The following RPA1 variants were observed in gnomAD, a reference collection of about 807,000 sequenced individuals.
RPA1 encodes replication protein A1.
A neutral mutation model predicts 83.0 loss-of-function variants in RPA1; 49 were observed. That is an observed-to-expected ratio of 0.59 (90% CI 0.47 to 0.75). The LOEUF (loss-of-function observed/expected upper bound fraction) is 0.75. RPA1 is among the 30% of genes least tolerant of loss of function. The pLI is 0.00. For missense variants in RPA1, 693 were observed against 776.1 expected (o/e 0.89, Z 1.27); for synonymous variants, 279 against 281.8 (o/e 0.99, Z 0.10).
At chr17:1,892,944 C>T (rs562063105) in intron 15 of RPA1, among the ~76,000 whole-genome samples, 2 of 152,326 alleles carry the variant, frequency 1.3e-5, no homozygotes, top group East Asian at 1.9e-4. Flanking sequence ...TAAATGGGCA[C>T]CTTTCTGTAG....
At chr17:1,868,368 A>G (rs928599753) in intron 5 of RPA1, among the ~76,000 whole-genome samples, 4 of 152,222 alleles carry the variant, frequency 2.6e-5, no homozygotes, top group Non-Finnish European at 5.9e-5. Flanking sequence ...GTGGAGAACT[A>G]AAGTTCATTT....
chr17:1,883,320 C>A (rs569930946), intron 12 of RPA1, among the ~76,000 whole-genome samples: 1 of 152,060 alleles, frequency 6.6e-6, no homozygotes, highest in African/African-American at 2.4e-5. Flanking sequence ...CCCACCACCA[C>A]GCCCGGCTAA....
rs1397204282 is a variant in RPA1, at chr17:1,884,092, TG to T, written c.1374+150del. 1.4e-5 allele frequency: 15 copies of T among 1,102,174 alleles called. No homozygotes were observed. The Admixed American group carries it at 3.6e-4, about 26-fold the overall frequency. The allele number at this position is 1,102,174 out of a possible 1,614,324, so 68.3% of individuals were successfully genotyped here. On this transcript the variant is annotated intron_variant, in intron 13 of 16. Coordinates refer to ENST00000254719, the MANE Select transcript of RPA1 (RefSeq NM_002945.5). This position sits in a 1 kb window ranked among gnomAD's most constrained non-coding sequence, Gnocchi z 4.1. ...GCGTGGCATGGGGGTTGAGAATCAC[TG>T]GCAGAGGGAAGCAGCCAGGTGTGCT...
rs1402536402 is a variant in RPA1, at chr17:1,899,285, T to C, written c.*2110T>C. The C allele has an allele frequency of 6.6e-6, 1 of 152,398 alleles. No homozygotes were observed. Among genetic ancestry groups the C allele is most frequent in the African/African-American group, 2.4e-5 (1 of 41,382 alleles). The allele number at this position is 152,398 out of a possible 1,614,324, so 9.4% of individuals were successfully genotyped here. ...CCCTGCGGGTTGCCTAAATAGATTC[T>C]GGCCCACAGTTTACCTCGAAAGGCT... On this transcript the variant is annotated 3_prime_UTR_variant, in exon 17 of 17. Transcript: ENST00000254719.
In RPA1 at chr17:1,830,621, G is replaced by C. The variant is rs143789246; in HGVS notation, c.33+495G>C. 250 of 153,470 alleles carry C rather than the reference G, an allele frequency of 1.6e-3. 2 individuals are homozygous for C. The highest frequency in any genetic ancestry group is 2.8e-3 in the Non-Finnish European group (190 of 68,902). The allele number at this position is 153,470 out of a possible 1,614,324, so 9.5% of individuals were successfully genotyped here. The stretch of plus-strand genomic sequence containing the variant: ...AGTTCTCAGCAGCGTTTGCGTTTAA[G>C]CCCTGCTTGCTTCAGGTCACACCCT... On this transcript the variant is annotated intron_variant, in intron 1 of 16. Coordinates refer to ENST00000254719, the MANE Select transcript of RPA1 (RefSeq NM_002945.5).
At chr17:1,835,626 G>A (rs1911787837) in intron 1 of RPA1, among the ~76,000 whole-genome samples, 1 of 152,008 alleles carries the variant, frequency 6.6e-6, no homozygotes, top group Non-Finnish European at 1.5e-5. Context: ...TCTGATAGGG[G>A]CTCTTTTCAA....
intron 5 of RPA1, among the ~76,000 whole-genome samples, chr17:1,859,433 GTCTC>G (rs1401980652): frequency 6.6e-6 from 1 of 152,128 alleles, no homozygotes; most frequent in African/African-American, 2.4e-5. Context: ...AAGTTTCTCT[GTCTC>G]TCTGCAGTTC....
chr17:1,863,473 A>G (rs1913064042), intron 5 of RPA1, among the ~76,000 whole-genome samples: 1 of 152,024 alleles, frequency 6.6e-6, no homozygotes, highest in Admixed American at 6.6e-5. Context: ...TTGGCCTCCC[A>G]AAGTGTTGGG....
chr17:1,850,534 C>T (rs1912453653), intron 4 of RPA1, among the ~76,000 whole-genome samples: 2 of 130,816 alleles, frequency 1.5e-5, no homozygotes, highest in South Asian at 5.0e-4. Context: ...AAGACTCCGT[C>T]TCAAAAAAAA....
Position 1,879,385 on chromosome 17 carries a change from C to T in RPA1, c.930C>T (p.Asn310=), listed in dbSNP as rs1567821962. 4 of 1,614,078 alleles carry T rather than the reference C, an allele frequency of 2.5e-6. 1 individual carries two copies. The South Asian group carries it at 3.3e-5, about 13-fold the overall frequency. Residue 310 remains asparagine, a synonymous_variant, in exon 10 of 17, where the codon AAC becomes AAT. Coordinates refer to ENST00000254719, the MANE Select transcript of RPA1 (RefSeq NM_002945.5). ...FDFTGIDDLE[N]KSKDSLVDII... ...TCACGGGGATTGATGACCTCGAGAA[C>T]AAGTCGAAAGACTCACTTGTAGGTA...
Position 1,844,615 on chromosome 17 carries a change from GGAA to G in RPA1, c.205_207del (p.Glu69del), listed in dbSNP as rs1485524764. On this transcript the variant is annotated inframe_deletion, in exon 4 of 17. Transcript: ENST00000254719. ...CGACACAGTTGAACCCTCTCGTGGA[GGAA>G]GAACAATTGTCCAGCAACTGTGTAT... 6.2e-7 allele frequency: 1 copy of G among 1,613,604 alleles called. No homozygotes were observed. The highest frequency in any genetic ancestry group is 8.5e-7 in the Non-Finnish European group (1 of 1,179,892).
chr17:1,879,160 G>A, intron 9 of RPA1, 55 bp from the exon 10 acceptor site: 1 of 1,609,258 alleles, frequency 6.2e-7, no homozygotes, highest in East Asian at 2.2e-5. Flanking sequence ...CAGACTAGGG[G>A]TTTCTGTCCG....
At chr17:1,867,994 G>T (rs1913241962) in intron 5 of RPA1, among the ~76,000 whole-genome samples, 1 of 152,104 alleles carries the variant, frequency 6.6e-6, no homozygotes, top group African/African-American at 2.4e-5. Flanking sequence ...CGAGTCGGGG[G>T]ATTGCTTGAG....
intron 5 of RPA1, 167 bp from the exon 6 acceptor site, chr17:1,872,267 A>G: frequency 9.7e-7 from 1 of 1,027,864 alleles, no homozygotes; most frequent in East Asian, 2.6e-5. Flanking sequence ...GTGAACCCCT[A>G]GCAAATTCAC....
At position 1,888,616 on chromosome 17, in the gene RPA1, C is replaced by G. The variant is rs1472835271; in HGVS notation, c.1375-59C>G. The G allele has an allele frequency of 3.9e-6, 6 of 1,539,964 alleles. No homozygotes were observed. In the South Asian group the frequency reaches 6.2e-5, roughly 16 times the overall value. ...TAAGGGCAGGCTTTGAGCTGCCTCT[C>G]GGTCCGATCCTGGGCGGGCTCGCGA... is the stretch of plus-strand genomic sequence containing the variant. On this transcript the variant is annotated intron_variant, in intron 13 of 16. Transcript: ENST00000254719.
At chr17:1,837,897 G>T (rs1346969205) in intron 1 of RPA1, among the ~76,000 whole-genome samples, 2 of 150,930 alleles carry the variant, frequency 1.3e-5, no homozygotes, top group African/African-American at 4.9e-5. Context: ...TGTTTTTTTT[G>T]AAGTGCACTT....
intron 14 of RPA1, chr17:1,891,632 C>T: frequency 2.9e-6 from 1 of 346,228 alleles, no homozygotes; most frequent in Non-Finnish European, 5.3e-6. Context: ...GTTGGCCAGG[C>T]TGGTTTCAAA....
At chr17:1,895,356 T>TA (rs1209206862) in intron 16 of RPA1, among the ~76,000 whole-genome samples, 15 of 151,706 alleles carry the variant, frequency 9.9e-5, no homozygotes, top group Non-Finnish European at 1.6e-4. Context: ...TTATTTTTAT[T>TA]TTTTTTCAGT....
In RPA1 at chr17:1,842,893, T is replaced by C. The variant is rs1912112650; in HGVS notation, c.84+40T>C. 3.1e-6 allele frequency: 5 copies of C among 1,598,506 alleles called. No individual in the cohort carries two copies. In the African/African-American group the frequency reaches 4.0e-5, roughly 13 times the overall value. Reference sequence around the variant, plus strand: ...ATGTTATGTTCCATGTCAACTTCTTTGGAGTCATCGAATTACAAGTTACGT... The same window carrying C: ...ATGTTATGTTCCATGTCAACTTCTTCGGAGTCATCGAATTACAAGTTACGT... On this transcript the variant is annotated intron_variant, in intron 2 of 16. Coordinates refer to ENST00000254719, the MANE Select transcript of RPA1 (RefSeq NM_002945.5).
Sources: gnomAD v4.1 joint callset for allele counts (sites outside exome capture counted in the v4.1 genomes callset) on GRCh38, gnomAD v4.1.1 for gene constraint, Gnocchi (gnomAD v3.1) non-coding constraint, MANE v1.5 for transcripts, NCBI Gene and HGNC (gene_info 2026-07-23, HGNC 2026-07-21) for gene names.